Variants in DCLK1 observed in about 807,000 individuals in gnomAD.
The protein encoded by DCLK1 is doublecortin like kinase 1.
In DCLK1, 16 loss-of-function variants were observed where a neutral mutation model predicts 86.2. That is an observed-to-expected ratio of 0.19 (90% CI 0.13 to 0.28). The LOEUF is 0.28. Ranked by LOEUF, DCLK1 falls within the 10% of genes least tolerant of loss-of-function variation. The pLI, the probability that DCLK1 is intolerant of heterozygous loss-of-function variation, is 1.00. For missense variants in DCLK1, 590 were observed against 940.2 expected, an observed-to-expected ratio of 0.63 and a Z score of 4.87; for synonymous variants, 369 against 370.5, an observed-to-expected ratio of 1.00 and a Z score of 0.05.
chr13:36,004,624 C>T (rs1880866310), intron 3 of DCLK1, among the ~76,000 whole-genome samples: 1 of 152,158 alleles, frequency 6.6e-6, no homozygotes, highest in Non-Finnish European at 1.5e-5. Flanking sequence ...TACAGTCTCG[C>T]TCTGTTGCCC....
chr13:35,958,005 TC>T (rs1878114715), intron 3 of DCLK1, among the ~76,000 whole-genome samples: 3 of 9,170 alleles, frequency 3.3e-4, no homozygotes, highest in African/African-American at 2.5e-4. Flanking sequence ...ACCACCATTA[TC>T]ACCATCACCA....
rs1387964515 is a variant in DCLK1, at chr13:35,774,593, G to A, written c.2165C>T (p.Ser722Leu). The change falls in exon 17 of 17, where the codon TCG becomes TTG. Residue 722 changes from serine to leucine, a missense_variant. By Grantham distance (145) the Ser-to-Leu change is moderately radical. Coordinates refer to ENST00000360631, the MANE Select transcript of DCLK1 (RefSeq NM_001330071.2). ...QPAPPELNSESEDYSPSSSET... is the reference protein window; with the variant it reads ...QPAPPELNSELEDYSPSSSET... Reference sequence around the variant, plus strand: ...GGAGGAGCTTGGGGAGTAGTCTTCCGATTCCGAGTTGAGTTCGGGAGGAGC... The same window carrying A: ...GGAGGAGCTTGGGGAGTAGTCTTCCAATTCCGAGTTGAGTTCGGGAGGAGC... The A allele has an allele frequency of 6.3e-7, 1 of 1,581,816 alleles. No homozygotes were observed. The highest frequency in any genetic ancestry group is 8.6e-7 in the Non-Finnish European group (1 of 1,162,190).
At chr13:35,997,104 T>C (rs187710004) in intron 3 of DCLK1, among the ~76,000 whole-genome samples, 6 of 152,340 alleles carry the variant, frequency 3.9e-5, no homozygotes. Flanking sequence ...GAATGGCTCC[T>C]TTCTCTTGGG....
At chr13:36,028,353 T>G (rs76263151) in intron 3 of DCLK1, among the ~76,000 whole-genome samples, 1,970 of 152,332 alleles carry the variant, frequency 0.013, 36 homozygotes, top group African/African-American at 0.045. Flanking sequence ...GCTGGTCTTT[T>G]GAAATGCTCA....
intron 6 of DCLK1, chr13:35,850,401 T>A (rs961139877): frequency 9.7e-7 from 1 of 1,032,858 alleles, no homozygotes; most frequent in African/African-American, 1.7e-5. Flanking sequence ...TATTGCCACA[T>A]GGTTAGTGTG....
At chr13:35,880,325 A>T (rs573358335) in intron 4 of DCLK1, among the ~76,000 whole-genome samples, 1 of 152,310 alleles carries the variant, frequency 6.6e-6, no homozygotes, top group East Asian at 1.9e-4. Context: ...AGAGACTTCC[A>T]CATTGCTGTG....
intron 4 of DCLK1, among the ~76,000 whole-genome samples, chr13:35,914,492 A>G (rs936536028): frequency 6.6e-6 from 1 of 150,784 alleles, no homozygotes; most frequent in South Asian, 2.1e-4. Flanking sequence ...CAACGTGGGT[A>G]GATCACTTGA....
intron 6 of DCLK1, chr13:35,850,246 C>A: frequency 1.0e-6 from 1 of 984,204 alleles, no homozygotes; most frequent in South Asian, 4.7e-5. Flanking sequence ...CCAAGCAATT[C>A]AAATTTTAAA....
intron 3 of DCLK1, among the ~76,000 whole-genome samples, chr13:35,958,859 A>G (rs1328475086): frequency 2.0e-5 from 3 of 152,242 alleles, no homozygotes; most frequent in African/African-American, 4.8e-5. Flanking sequence ...TCTTCCAAAA[A>G]TATATTTGAG....
At chr13:35,886,762 T>C (rs1006535811) in intron 4 of DCLK1, among the ~76,000 whole-genome samples, 1 of 152,256 alleles carries the variant, frequency 6.6e-6, no homozygotes, top group African/African-American at 2.4e-5. Flanking sequence ...TTGTGGAGTC[T>C]GTCAGTCGTT....
chr13:35,823,620 A>G (rs1407108056), intron 10 of DCLK1, among the ~76,000 whole-genome samples: 1 of 152,202 alleles, frequency 6.6e-6, no homozygotes, highest in African/African-American at 2.4e-5. Context: ...GTAAAATGGA[A>G]TGATTTTTAA....
intron 4 of DCLK1, among the ~76,000 whole-genome samples, chr13:35,931,507 C>T (rs1287957358): frequency 1.3e-5 from 2 of 152,130 alleles, no homozygotes; most frequent in Non-Finnish European, 2.9e-5. Flanking sequence ...CATGCTTAGG[C>T]TGTATTTGGA....
intron 4 of DCLK1, among the ~76,000 whole-genome samples, chr13:35,928,851 T>C (rs9574933): frequency 0.12 from 18,265 of 152,276 alleles, 3,096 homozygotes; most frequent in African/African-American, 0.37. Flanking sequence ...TATTGAGCTA[T>C]GCTAATTTTC....
chr13:36,065,921 G>A (rs9575217), intron 3 of DCLK1, among the ~76,000 whole-genome samples: 23,084 of 151,924 alleles, frequency 0.15, 2,393 homozygotes, highest in East Asian at 0.46. Context: ...TACACACAAC[G>A]GCAATGGTAA....
At chr13:35,951,427 T>A (rs992953408) in intron 3 of DCLK1, among the ~76,000 whole-genome samples, 1 of 150,384 alleles carries the variant, frequency 6.6e-6, no homozygotes, top group African/African-American at 2.5e-5. Context: ...CCTATGTGTT[T>A]GTTTTTTCTA....
chr13:35,982,003 C>T (rs1006679955), intron 3 of DCLK1, among the ~76,000 whole-genome samples: 4 of 151,980 alleles, frequency 2.6e-5, no homozygotes, highest in African/African-American at 9.7e-5. Context: ...TGAGGTAGAA[C>T]CCTTCATTCA....
chr13:35,775,551 G>A (rs1407676354), intron 16 of DCLK1, among the ~76,000 whole-genome samples: 2 of 152,116 alleles, frequency 1.3e-5, no homozygotes, highest in Non-Finnish European at 2.9e-5. Context: ...TTTAATGGGT[G>A]TGGGGGAAAA....
intron 6 of DCLK1, among the ~76,000 whole-genome samples, chr13:35,840,754 T>G (rs1165576998): frequency 2.0e-5 from 3 of 152,216 alleles, no homozygotes; most frequent in Admixed American, 2.0e-4. Context: ...AGTGTGACAC[T>G]ATGTACCCAT....
At chr13:36,048,696 T>A (rs1883016942) in intron 3 of DCLK1, among the ~76,000 whole-genome samples, 1 of 152,186 alleles carries the variant, frequency 6.6e-6, no homozygotes, top group Non-Finnish European at 1.5e-5. Context: ...AATAAGAGAC[T>A]TTACTTTCAG....
Sources: allele counts gnomAD v4.1 joint callset (sites outside exome capture counted in the v4.1 genomes callset), GRCh38; gene constraint gnomAD v4.1.1; transcripts MANE v1.5; gene names NCBI Gene and HGNC (gene_info 2026-07-23, HGNC 2026-07-21).